ZDHHC14: variants seen among roughly 807,000 people sequenced by gnomAD.
ZDHHC14 encodes palmitoyltransferase ZDHHC14.
ZDHHC14 carries 16 observed loss-of-function variants against 47.7 expected under a neutral mutation model. The observed-to-expected ratio is 0.34, with a 90% CI of 0.23 to 0.51. ZDHHC14 has a LOEUF of 0.51. Ranked by LOEUF, ZDHHC14 falls within the 20% of genes least tolerant of loss-of-function variation. The pLI is 0.97. For missense variants in ZDHHC14, 515 were observed against 662.5 expected, an observed-to-expected ratio of 0.78 and a Z score of 2.44; for synonymous variants, 293 against 278.9, an observed-to-expected ratio of 1.05 and a Z score of -0.50.
At chr6:157,661,928 A>G (rs539296730) in intron 8 of ZDHHC14, among the ~76,000 whole-genome samples, 3 of 152,158 alleles carry the variant, frequency 2.0e-5, no homozygotes, top group South Asian at 4.2e-4. Context: ...GGCTCAAGCA[A>G]TTCTCCTGCC....
At chr6:157,620,265 G>A (rs1430089119) in intron 3 of ZDHHC14, among the ~76,000 whole-genome samples, 2 of 152,160 alleles carry the variant, frequency 1.3e-5, no homozygotes, top group Non-Finnish European at 2.9e-5. Context: ...CACATATGGC[G>A]AGGGGGCTGG....
intron 1 of ZDHHC14, among the ~76,000 whole-genome samples, chr6:157,410,709 T>C (rs1391015322): frequency 6.6e-6 from 1 of 152,178 alleles, no homozygotes; most frequent in Non-Finnish European, 1.5e-5. Context: ...TATTTATTTA[T>C]TTTTTTGAGA....
At chr6:157,431,527 G>C (rs1583638980) in intron 1 of ZDHHC14, among the ~76,000 whole-genome samples, 1 of 152,230 alleles carries the variant, frequency 6.6e-6, no homozygotes, top group Middle Eastern at 3.4e-3. Flanking sequence ...TGAGGATGGA[G>C]GACCTTAGTG....
In ZDHHC14 at chr6:157,551,069, A is replaced by G. The variant is rs1448694276; in HGVS notation, c.406+8324A>G. ...GGATGGAAAACTTGGGACCACATGC[A>G]TGGTTCAAGAATACAGTCAAAGCAT... On this transcript the variant is annotated intron_variant, in intron 2 of 8. Coordinates refer to ENST00000359775, the MANE Select transcript of ZDHHC14 (RefSeq NM_024630.3). Among the ~76,000 whole-genome samples the G allele has an allele frequency of 4.6e-5, 7 of 152,206 alleles. No homozygotes were observed. In the East Asian group the frequency reaches 7.7e-4, roughly 17 times the overall value.
intron 1 of ZDHHC14, among the ~76,000 whole-genome samples, chr6:157,411,129 C>T (rs112457912): frequency 0.023 from 3,484 of 152,130 alleles, 115 homozygotes; most frequent in African/African-American, 0.078. Context: ...CACCTTAGAT[C>T]GACTGAATCA....
At chr6:157,465,105 C>CTTTTTTTTTTTTTTTTTTTTTTTTTTCTT (rs772080368) in intron 1 of ZDHHC14, among the ~76,000 whole-genome samples, 1 of 102,010 alleles carries the variant, frequency 9.8e-6, no homozygotes, top group Non-Finnish European at 1.9e-5. Flanking sequence ...TCTCTTTCTC[C>CTTTTTTTTTTTTTTTTTTTTTTTTTTCTT]TTTTTTTTTT....
rs924451293 is a variant in ZDHHC14, at chr6:157,674,253, C to T, written c.*1131C>T. The T allele has an allele frequency of 7.2e-5, 11 of 152,158 alleles. No individual in the cohort carries two copies. The highest frequency in any genetic ancestry group is 2.7e-4 in the African/African-American group (11 of 41,420). 9.4% of individuals were successfully genotyped at this position (152,158 alleles called of 1,614,324 possible). On this transcript the variant is annotated 3_prime_UTR_variant, in exon 9 of 9. Transcript: ENST00000359775. ...TCAGGGAGAAGGTTCTGTCGGGCGT[C>T]TTCTGGGCTTCCTTCTGTGTTAACG...
chr6:157,548,834 C>T (rs1562474897), intron 2 of ZDHHC14, among the ~76,000 whole-genome samples: 2 of 152,202 alleles, frequency 1.3e-5, no homozygotes, highest in Admixed American at 1.3e-4. Context: ...TTACCTGTGA[C>T]CATGAAATGA....
chr6:157,402,106 C>T (rs12197607), intron 1 of ZDHHC14, among the ~76,000 whole-genome samples: 1,770 of 149,512 alleles, frequency 0.012, 15 homozygotes, highest in Non-Finnish European at 0.016. Context: ...GAGATGTTCA[C>T]CTGCTGAGAT....
intron 1 of ZDHHC14, among the ~76,000 whole-genome samples, chr6:157,436,304 T>A (rs1397326551): frequency 6.6e-6 from 1 of 152,168 alleles, no homozygotes; most frequent in East Asian, 1.9e-4. Flanking sequence ...TTAAATAACA[T>A]AAGATCTGTC....
At chr6:157,401,021 C>G (rs1339162744) in intron 1 of ZDHHC14, among the ~76,000 whole-genome samples, 1 of 152,200 alleles carries the variant, frequency 6.6e-6, no homozygotes, top group Non-Finnish European at 1.5e-5. Flanking sequence ...ACAATATGCC[C>G]TTGAGTGGAG....
At position 157,594,435 on chromosome 6, in the gene ZDHHC14, G is replaced by A. The variant is rs111931795; in HGVS notation, c.565+1289G>A. On this transcript the variant is annotated intron_variant, in intron 3 of 8. Transcript: ENST00000359775. ...TGGCCTGGGTTCAAATACCAGCTGC[G>A]TGACAGGCAAGGTACTGAAACGCTG... is the stretch of plus-strand genomic sequence containing the variant. 7.9e-3 allele frequency among the ~76,000 whole-genome samples: 1,205 copies of A among 152,294 alleles called. 6 individuals carry two copies. The highest frequency in any genetic ancestry group is 0.031 in the Middle Eastern group (9 of 294).
chr6:157,620,725 C>A (rs1785155100), intron 3 of ZDHHC14, among the ~76,000 whole-genome samples: 1 of 152,182 alleles, frequency 6.6e-6, no homozygotes, highest in Admixed American at 6.5e-5. Context: ...GCCTTGGGTA[C>A]CCATCACCCG....
At chr6:157,655,456 A>G (rs1037513832) in intron 8 of ZDHHC14, among the ~76,000 whole-genome samples, 15 of 152,228 alleles carry the variant, frequency 9.9e-5, no homozygotes, top group Non-Finnish European at 1.5e-4. Context: ...GCGCACAGGC[A>G]TTAAAGACCA....
intron 1 of ZDHHC14, among the ~76,000 whole-genome samples, chr6:157,521,446 C>A (rs967466699): frequency 6.6e-6 from 1 of 152,214 alleles, no homozygotes; most frequent in Non-Finnish European, 1.5e-5. Context: ...TCACATACAA[C>A]AGAAACTTAC....
chr6:157,603,718 G>A (rs1403753997), intron 3 of ZDHHC14, among the ~76,000 whole-genome samples: 1 of 152,198 alleles, frequency 6.6e-6, no homozygotes, highest in East Asian at 1.9e-4. Flanking sequence ...GCTCGGCCCC[G>A]GGCGTTGGTT....
chr6:157,618,467 G>C (rs1437675556), intron 3 of ZDHHC14, among the ~76,000 whole-genome samples: 3 of 152,048 alleles, frequency 2.0e-5, no homozygotes, highest in Non-Finnish European at 4.4e-5. Flanking sequence ...AATTACAGGT[G>C]CCTGCCACCA....
At chr6:157,575,007 T>C (rs1364111713) in intron 2 of ZDHHC14, among the ~76,000 whole-genome samples, 1 of 152,216 alleles carries the variant, frequency 6.6e-6, no homozygotes, top group Admixed American at 6.5e-5. Context: ...GGAATTGGCT[T>C]GTTCCGATTA....
At chr6:157,664,162 A>C (rs150429265) in intron 8 of ZDHHC14, among the ~76,000 whole-genome samples, 50 of 152,078 alleles carry the variant, frequency 3.3e-4, no homozygotes, top group Admixed American at 1.6e-3. Flanking sequence ...TTCCTTCAAT[A>C]TCTCTCTCTC....
Sources: allele counts gnomAD v4.1 joint callset (sites outside exome capture counted in the v4.1 genomes callset), GRCh38; gene constraint gnomAD v4.1.1; transcripts MANE v1.5; gene names NCBI Gene and HGNC (gene_info 2026-07-23, HGNC 2026-07-21).